Variants in IGFL2 observed in about 807,000 individuals in gnomAD.
IGFL2 encodes the protein insulin growth factor-like family member 2.
IGFL2 carries 7 observed loss-of-function variants against 13.9 expected under a neutral mutation model. The ratio of observed to expected loss-of-function variants is 0.51; its 90% CI spans 0.29 to 0.95. The LOEUF (loss-of-function observed/expected upper bound fraction) is 0.95, where lower values mean the gene tolerates loss of function less well. Among genes scored for constraint, IGFL2 ranks in the 40% least tolerant of loss-of-function variants. The pLI, the probability that IGFL2 is intolerant of heterozygous loss-of-function variation, is 0.08. For synonymous variants in IGFL2, 55 were observed against 55.8 expected, an observed-to-expected ratio of 0.99 and a Z score of 0.07; for missense variants, 138 against 147.8, an observed-to-expected ratio of 0.93 and a Z score of 0.34.
chr19:46,136,426 A>G, the IGFL2 span, among the ~76,000 whole-genome samples: 1 of 152,196 alleles, frequency 6.6e-6, no homozygotes. Flanking sequence ...TAGGTTCTTT[A>G]AGAATTGCAC....
chr19:46,149,097 A>G (rs1973302910), intron 1 of IGFL2: 5 of 1,318,394 alleles, frequency 3.8e-6, no homozygotes, highest in Middle Eastern at 2.0e-4. Context: ...CATCAAGATG[A>G]GCAATGCCTG....
the IGFL2 span, among the ~76,000 whole-genome samples, chr19:46,125,458 A>G: frequency 2.0e-5 from 3 of 152,208 alleles, no homozygotes; most frequent in Non-Finnish European, 4.4e-5. Flanking sequence ...CTGCCAGGCA[A>G]GTGCCAGCTA....
the IGFL2 span, among the ~76,000 whole-genome samples, chr19:46,088,399 C>T: frequency 6.6e-6 from 1 of 152,122 alleles, no homozygotes; most frequent in South Asian, 2.1e-4. Flanking sequence ...GTTTAATTGT[C>T]AGACTTTATT....
chr19:46,210,310 T>C, the IGFL2 span: 4 of 151,758 alleles, frequency 2.6e-5, no homozygotes, highest in Admixed American at 2.6e-4. Context: ...TGAAGAGGGA[T>C]GGGAGAATTG....
At chr19:46,152,754 T>C (rs556128999) in intron 1 of IGFL2, among the ~76,000 whole-genome samples, 1 of 152,350 alleles carries the variant, frequency 6.6e-6, no homozygotes, top group East Asian at 1.9e-4. Context: ...GTCCCTGATA[T>C]TAGGGGGAAA....
chr19:46,144,031 C>G (rs1431059529), upstream of IGFL2, among the ~76,000 whole-genome samples: 1 of 152,242 alleles, frequency 6.6e-6, no homozygotes, highest in Non-Finnish European at 1.5e-5. Context: ...ATCACAGAGG[C>G]CTTCCCTGAC....
chr19:46,182,939 T>C, the IGFL2 span, among the ~76,000 whole-genome samples: 2 of 152,094 alleles, frequency 1.3e-5, no homozygotes, highest in Admixed American at 1.3e-4. Flanking sequence ...CCCTTTCTCC[T>C]CATACTCTTC....
chr19:46,186,215 G>C, the IGFL2 span, among the ~76,000 whole-genome samples: 1 of 152,150 alleles, frequency 6.6e-6, no homozygotes, highest in East Asian at 1.9e-4. Context: ...TCCGTCCAAG[G>C]GGCACCAGGA....
At chr19:46,120,268 G>A in the IGFL2 span, 19 of 1,606,208 alleles carry the variant, frequency 1.2e-5, no homozygotes, top group African/African-American at 2.7e-5. Flanking sequence ...TGTAGTCTCC[G>A]ATGTCCAGCT....
intron 1 of IGFL2, among the ~76,000 whole-genome samples, chr19:46,152,701 A>G (rs928976310): frequency 1.1e-4 from 16 of 152,324 alleles, no homozygotes; most frequent in Middle Eastern, 3.4e-3. Context: ...TGAACCGCCA[A>G]TGCTATCTTG....
chr19:46,176,512 A>G, the IGFL2 span, among the ~76,000 whole-genome samples: 4 of 152,286 alleles, frequency 2.6e-5, no homozygotes, highest in South Asian at 8.3e-4. Flanking sequence ...ACCCTCAACC[A>G]CTAAGGCCAC....
the IGFL2 span, among the ~76,000 whole-genome samples, chr19:46,122,296 A>G: frequency 6.6e-6 from 1 of 151,032 alleles, no homozygotes; most frequent in Non-Finnish European, 1.5e-5. Flanking sequence ...AACTATCTTA[A>G]AAAGAAACTT....
intron 1 of IGFL2, among the ~76,000 whole-genome samples, chr19:46,153,880 G>A (rs1163577507): frequency 6.6e-6 from 1 of 150,452 alleles, no homozygotes; most frequent in Admixed American, 6.6e-5. Flanking sequence ...TGCTGAACAT[G>A]CAGGTTTGTT....
the IGFL2 span, chr19:46,113,603 G>A: frequency 3.5e-6 from 1 of 283,390 alleles, no homozygotes; most frequent in Non-Finnish European, 7.4e-6. Flanking sequence ...AAGACTTTTG[G>A]CTCCACTGAT....
chr19:46,137,689 G>T, the IGFL2 span: 1 of 549,786 alleles, frequency 1.8e-6, no homozygotes, highest in African/African-American at 1.9e-5. Context: ...CTTGGTCCCC[G>T]GCTTCAGGGA....
chr19:46,198,060 TTTCCTTCC>T, the IGFL2 span: 3 of 113,404 alleles, frequency 2.6e-5, no homozygotes, highest in South Asian at 3.2e-4. Context: ...CCTTCCTTCC[TTTCCTTCC>T]TTCCTTCCTT....
chr19:46,088,993 T>C, the IGFL2 span, among the ~76,000 whole-genome samples: 1 of 152,192 alleles, frequency 6.6e-6, no homozygotes, highest in African/African-American at 2.4e-5. Flanking sequence ...TCTTAAAAGT[T>C]ATTTATAGGT....
In IGFL2 at chr19:46,160,702, T is replaced by C. The variant is rs1300684774; in HGVS notation, c.162T>C (p.Asn54=). 1 of 1,614,162 alleles carries C rather than the reference T, an allele frequency of 6.2e-7. No homozygotes were observed. Among genetic ancestry groups the C allele is most frequent in the Non-Finnish European group, 8.5e-7 (1 of 1,180,020 alleles). ...ACCCCTTGGAGCAGTGCTGTTACAA[T>C]GACGCCATCGTGTCCCTGAGCGAGA... The part of the protein sequence containing the change: ...IYNPLEQCCY[N]DAIVSLSETR... Residue 54 remains asparagine, a synonymous_variant, in exon 3 of 4, where the codon AAT becomes AAC. Coordinates refer to ENST00000377693, the MANE Select transcript of IGFL2 (RefSeq NM_001135113.2).
intron 1 of IGFL2, 71 bp from the exon 2 acceptor site, chr19:46,160,344 T>C: frequency 7.1e-7 from 1 of 1,405,282 alleles, no homozygotes. Context: ...CACCCTGGCC[T>C]GCCCTCCCTG....
Sources: allele counts gnomAD v4.1 joint callset (sites outside exome capture counted in the v4.1 genomes callset), GRCh38; gene constraint gnomAD v4.1.1; transcripts MANE v1.5; gene names NCBI Gene and HGNC (gene_info 2026-07-23, HGNC 2026-07-21).